The following IP6K1 variants were observed in gnomAD, a reference collection of about 807,000 sequenced individuals.
IP6K1 encodes the protein ATP:1D-myo-inositol-hexakisphosphate phosphotransferase.
A neutral mutation model predicts 38.3 loss-of-function variants in IP6K1; 13 were observed. That is an observed-to-expected ratio of 0.34 (90% CI 0.22 to 0.54). The LOEUF (loss-of-function observed/expected upper bound fraction) is 0.54. Ranked by LOEUF, IP6K1 falls within the 20% of genes least tolerant of loss-of-function variation. The pLI, the probability that IP6K1 is intolerant of heterozygous loss-of-function variation, is 0.92. For missense variants in IP6K1, 397 were observed against 599.8 expected (o/e 0.66, Z 3.53); for synonymous variants, 212 against 229.9 (o/e 0.92, Z 0.70).
intron 4 of IP6K1, among the ~76,000 whole-genome samples, chr3:49,729,318 A>G (rs926322604): frequency 1.3e-5 from 2 of 152,048 alleles, no homozygotes; most frequent in African/African-American, 2.4e-5. Context: ...TTTCCATTGT[A>G]TGTATATATC....
In IP6K1 at chr3:49,732,982, A is replaced by G. The variant is rs1263335989; in HGVS notation, c.435-10T>C. Reference sequence around the variant, plus strand: ...CTTTGCCTCCTGTGAGCTAAGAAGGAAGAACATACACATCACTAAGAAACT... The same window carrying G: ...CTTTGCCTCCTGTGAGCTAAGAAGGGAGAACATACACATCACTAAGAAACT... On this transcript the variant is annotated splice_polypyrimidine_tract_variant and intron_variant, in intron 3 of 5. Coordinates refer to ENST00000321599, the MANE Select transcript of IP6K1 (RefSeq NM_153273.4). 1 of 1,607,128 alleles carries G rather than the reference A, an allele frequency of 6.2e-7. No individual in the cohort carries two copies. Among genetic ancestry groups the G allele is most frequent in the Admixed American group, 1.7e-5 (1 of 59,770 alleles).
chr3:49,784,441 T>TA, intron 1 of IP6K1, among the ~76,000 whole-genome samples: 2 of 151,842 alleles, frequency 1.3e-5, no homozygotes, highest in Non-Finnish European at 2.9e-5. Flanking sequence ...GGTCAGGAGT[T>TA]CGAGATCAGC....
rs146938204 is a variant in IP6K1, at chr3:49,767,161, G to C, written c.-128-18993C>G. On this transcript the variant is annotated intron_variant, in intron 1 of 5. Coordinates refer to ENST00000321599, the MANE Select transcript of IP6K1 (RefSeq NM_153273.4). The stretch of plus-strand genomic sequence containing the variant: ...TGCACTGGCTCATACCAGTAGTCTC[G>C]GCTACTTGGAAGGCTGAGGCAGGCA... Among the ~76,000 whole-genome samples the C allele has an allele frequency of 1.1e-3, 160 of 151,188 alleles. No homozygotes were observed. The Middle Eastern group carries it at 0.014, about 13-fold the overall frequency.
Position 49,724,827 on chromosome 3 carries a change from C to T in IP6K1, c.*2295G>A, listed in dbSNP as rs1175688362. On this transcript the variant is annotated 3_prime_UTR_variant, in exon 6 of 6. Transcript: ENST00000321599. ...CTGGTCCCCTTCCTCTTTTAAGCAC[C>T]ACCCGTCCCACCCCACCCTCAGGGG... 1.3e-5 allele frequency: 2 copies of T among 152,688 alleles called. No individual in the cohort carries two copies. Among genetic ancestry groups the T allele is most frequent in the Non-Finnish European group, 2.9e-5 (2 of 68,154 alleles). 9.5% of individuals were successfully genotyped at this position (152,688 alleles called of 1,614,324 possible).
chr3:49,749,116 G>C (rs756095577), intron 1 of IP6K1, among the ~76,000 whole-genome samples: 1 of 152,250 alleles, frequency 6.6e-6, no homozygotes, highest in Admixed American at 6.5e-5. Context: ...TGTAAATACA[G>C]ATGAAGCTTT....
chr3:49,762,539 G>C (rs189293383), intron 1 of IP6K1, among the ~76,000 whole-genome samples: 2 of 152,056 alleles, frequency 1.3e-5, no homozygotes, highest in Admixed American at 1.3e-4. Context: ...AACAGAGCGA[G>C]ACTCTGTCTC....
intron 3 of IP6K1, among the ~76,000 whole-genome samples, chr3:49,735,147 G>A (rs902603019): frequency 1.3e-5 from 2 of 152,144 alleles, no homozygotes; most frequent in Non-Finnish European, 2.9e-5. Context: ...TTGAAGCCAG[G>A]AGTTTCAGAC....
In IP6K1 at chr3:49,746,077, A is replaced by C. The variant is rs532545067; in HGVS notation, c.223+1741T>G. Among the ~76,000 whole-genome samples the C allele has an allele frequency of 1.3e-3, 193 of 152,290 alleles. 1 individual carries two copies. Among genetic ancestry groups the C allele is most frequent in the African/African-American group, 4.2e-3 (176 of 41,568 alleles). On this transcript the variant is annotated intron_variant, in intron 2 of 5. Transcript: ENST00000321599. ...AGGAGTGTTGGTAAGGATGTGGAGA[A>C]ATAGGGACCCTTGTACATTGCTGGT...
In IP6K1 at chr3:49,734,403, T is replaced by C. The variant is rs1054028654; in HGVS notation, c.435-1431A>G. Among the ~76,000 whole-genome samples the C allele has an allele frequency of 2.0e-4, 28 of 142,278 alleles. 1 individual carries two copies. The South Asian group carries it at 3.9e-3, about 20-fold the overall frequency. 93.3% of individuals were successfully genotyped at this position (142,278 alleles called of 152,430 possible). ...AACATTACCGTAATTTCTTTTTTTTTTTTTTTTTTTTTTTTGAGACAGAGT... is the reference window on the plus strand; with the variant it reads ...AACATTACCGTAATTTCTTTTTTTTCTTTTTTTTTTTTTTTGAGACAGAGT... On this transcript the variant is annotated intron_variant, in intron 3 of 5. Transcript: ENST00000321599.
intron 1 of IP6K1, chr3:49,785,781 G>A (rs1204419423): frequency 1.3e-5 from 2 of 152,238 alleles, no homozygotes; most frequent in African/African-American, 4.8e-5. Flanking sequence ...CATTTAACCA[G>A]GTTCTTTGCG....
At chr3:49,781,957 GT>G (rs2081069387) in intron 1 of IP6K1, among the ~76,000 whole-genome samples, 1 of 151,852 alleles carries the variant, frequency 6.6e-6, no homozygotes, top group South Asian at 2.1e-4. Flanking sequence ...GCTGAGCACA[GT>G]TGTGCCCACC....
intron 1 of IP6K1, among the ~76,000 whole-genome samples, chr3:49,751,386 T>C (rs1169981465): frequency 1.3e-5 from 2 of 152,022 alleles, no homozygotes; most frequent in Admixed American, 6.6e-5. Flanking sequence ...GGTCTCAATC[T>C]CTTGACCTCA....
intron 1 of IP6K1, among the ~76,000 whole-genome samples, chr3:49,778,424 G>T (rs1034749691): frequency 6.6e-6 from 1 of 151,988 alleles, no homozygotes; most frequent in Non-Finnish European, 1.5e-5. Flanking sequence ...CTTGAGGTCA[G>T]GAGGTCAAGA....
At chr3:49,769,138 C>A (rs1194291151) in intron 1 of IP6K1, among the ~76,000 whole-genome samples, 2 of 151,978 alleles carry the variant, frequency 1.3e-5, no homozygotes, top group African/African-American at 4.8e-5. Flanking sequence ...AAGAAATATG[C>A]CTCACACAGC....
intron 1 of IP6K1, among the ~76,000 whole-genome samples, chr3:49,771,937 G>A (rs186711166): frequency 6.6e-6 from 1 of 152,254 alleles, no homozygotes; most frequent in African/African-American, 2.4e-5. Context: ...AGAGTGGCCA[G>A]GCGTGGTGGC....
At chr3:49,742,641 G>A (rs1274174181) in intron 2 of IP6K1, among the ~76,000 whole-genome samples, 1 of 152,192 alleles carries the variant, frequency 6.6e-6, no homozygotes, top group African/African-American at 2.4e-5. Context: ...GCTCACATCT[G>A]TAATCCCAGC....
At chr3:49,743,093 T>C (rs1352078109) in intron 2 of IP6K1, among the ~76,000 whole-genome samples, 1 of 151,658 alleles carries the variant, frequency 6.6e-6, no homozygotes, top group African/African-American at 2.4e-5. Flanking sequence ...CCAGGAATGG[T>C]GGCAGGCACC....
intron 1 of IP6K1, among the ~76,000 whole-genome samples, chr3:49,768,853 T>C (rs1487599590): frequency 6.6e-6 from 1 of 151,924 alleles, no homozygotes; most frequent in Non-Finnish European, 1.5e-5. Context: ...GAGGTGAGAA[T>C]GGGGTGTTAC....
intron 1 of IP6K1, among the ~76,000 whole-genome samples, chr3:49,783,037 T>C (rs1353467475): frequency 6.6e-6 from 1 of 151,056 alleles, no homozygotes; most frequent in Non-Finnish European, 1.5e-5. Context: ...GGAGTATCAC[T>C]TGAACCCAGG....
Sources: gnomAD v4.1 joint callset for allele counts (sites outside exome capture counted in the v4.1 genomes callset) on GRCh38, gnomAD v4.1.1 for gene constraint, MANE v1.5 for transcripts, NCBI Gene and HGNC (gene_info 2026-07-23, HGNC 2026-07-21) for gene names.